The following TSNARE1 variants were observed in gnomAD, a reference collection of about 807,000 sequenced individuals.
TSNARE1 encodes the protein t-SNARE domain containing 1.
Under a neutral mutation model 62.0 loss-of-function variants are expected in TSNARE1, and 49 were observed. That is an observed-to-expected ratio of 0.79 (90% confidence interval 0.63 to 1.00). TSNARE1 has a LOEUF of 1.00. Among genes scored for constraint, TSNARE1 ranks in the 50% least tolerant of loss-of-function variants. The probability of loss-of-function intolerance (pLI) is 0.00; values close to 1 mark genes in which losing one functional copy is unlikely to be tolerated. For missense variants in TSNARE1, 755 were observed against 700.1 expected (o/e 1.08, Z -0.88); for synonymous variants, 328 against 294.4 (o/e 1.11, Z -1.17).
intron 4 of TSNARE1, among the ~76,000 whole-genome samples, chr8:142,335,892 G>A (rs910299988): frequency 6.6e-6 from 1 of 152,222 alleles, no homozygotes; most frequent in Admixed American, 6.5e-5. Flanking sequence ...GAAGAATGCA[G>A]ATGACAGGGC....
intron 6 of TSNARE1, among the ~76,000 whole-genome samples, chr8:142,327,430 T>C (rs1007199737): frequency 2.6e-5 from 4 of 151,804 alleles, no homozygotes; most frequent in Admixed American, 6.6e-5. Flanking sequence ...GGCACGGTTC[T>C]GCACAAGCTG....
At chr8:142,390,285 T>C (rs1005135266) in intron 1 of TSNARE1, among the ~76,000 whole-genome samples, 3 of 151,512 alleles carry the variant, frequency 2.0e-5, no homozygotes, top group African/African-American at 7.3e-5. Flanking sequence ...ACAGACGCTG[T>C]ACACTGCGGG....
intron 12 of TSNARE1, among the ~76,000 whole-genome samples, chr8:142,255,485 T>TCAC (rs1818399039): frequency 8.5e-5 from 1 of 11,718 alleles, no homozygotes. Flanking sequence ...ACCATCACCA[T>TCAC]CATCATCACC....
At chr8:142,308,197 T>C (rs1827000742) in intron 9 of TSNARE1, among the ~76,000 whole-genome samples, 1 of 152,222 alleles carries the variant, frequency 6.6e-6, no homozygotes, top group African/African-American at 2.4e-5. Context: ...TGCACTCTCT[T>C]CCTGGGGTAT....
intron 9 of TSNARE1, among the ~76,000 whole-genome samples, chr8:142,309,661 T>C (rs747439813): frequency 1.3e-5 from 2 of 152,206 alleles, no homozygotes; most frequent in Non-Finnish European, 2.9e-5. Context: ...GTTACTAATA[T>C]TTAGGACTTT....
intron 1 of TSNARE1, among the ~76,000 whole-genome samples, chr8:142,366,921 A>AAGT (rs1835588881): frequency 6.6e-6 from 1 of 152,258 alleles, no homozygotes; most frequent in Non-Finnish European, 1.5e-5. Context: ...GACTCTGGTA[A>AAGT]AGTATCAGGA....
At chr8:142,334,587 T>A (rs1316337906) in intron 4 of TSNARE1, among the ~76,000 whole-genome samples, 1 of 151,958 alleles carries the variant, frequency 6.6e-6, no homozygotes, top group Non-Finnish European at 1.5e-5. Context: ...AACTCGGAGA[T>A]TCAAAAATTT....
rs1248894756 is a variant in TSNARE1, at chr8:142,319,608, G to A, written c.894-974C>T. 6.6e-6 allele frequency among the ~76,000 whole-genome samples: 1 copy of A among 152,096 alleles called. No individual in the cohort carries two copies. Among genetic ancestry groups the A allele is most frequent in the Admixed American group, 6.5e-5 (1 of 15,274 alleles). On this transcript the variant is annotated intron_variant, in intron 6 of 13. Transcript: ENST00000524325. This position sits in a 1 kb window ranked among gnomAD's most constrained non-coding sequence, Gnocchi z 4.9. ...AGCCTCAGTGACCCTTTCAAGTACA[G>A]CCCAAAAGGCCCCTGCAGGCCCCTC...
Position 142,353,584 on chromosome 8 carries a change from G to A in TSNARE1, c.88+1053C>T, listed in dbSNP as rs547372362. ...CCCAGCAGGGCTGAGGCAGGCAGCC[G>A]CCCTCTCGAGCACATGCTGCTCCCT... On this transcript the variant is annotated intron_variant, in intron 2 of 13. Coordinates refer to ENST00000524325, the MANE Select transcript of TSNARE1 (RefSeq NM_145003.5). Among the ~76,000 whole-genome samples, 12 of 152,322 alleles carry A rather than the reference G, an allele frequency of 7.9e-5. No homozygotes were observed. The East Asian group carries it at 1.9e-3, about 25-fold the overall frequency.
At chr8:142,223,016 T>TCAGC (rs1563756501) in intron 13 of TSNARE1, among the ~76,000 whole-genome samples, 7 of 124,978 alleles carry the variant, frequency 5.6e-5, no homozygotes, top group African/African-American at 9.7e-5. Flanking sequence ...ATTTACTCAC[T>TCAGC]CACTCAGCCA....
intron 1 of TSNARE1, among the ~76,000 whole-genome samples, chr8:142,359,473 C>A (rs1006777745): frequency 1.3e-5 from 2 of 152,154 alleles, no homozygotes; most frequent in African/African-American, 4.8e-5. Context: ...CCACCCTTCA[C>A]TGAGGGAGGA....
chr8:142,216,590 C>A (rs1322313715), intron 13 of TSNARE1, among the ~76,000 whole-genome samples: 1 of 152,190 alleles, frequency 6.6e-6, no homozygotes, highest in Non-Finnish European at 1.5e-5. Flanking sequence ...CCCACCCCTC[C>A]CCGCACTGGT....
intron 4 of TSNARE1, among the ~76,000 whole-genome samples, chr8:142,332,686 G>A (rs544735315): frequency 1.8e-4 from 27 of 152,216 alleles, no homozygotes; most frequent in Admixed American, 1.6e-3. Flanking sequence ...CATGGGAAGG[G>A]TCTGCAGGCT....
At chr8:142,371,085 G>A (rs1835883045) in intron 1 of TSNARE1, among the ~76,000 whole-genome samples, 1 of 152,176 alleles carries the variant, frequency 6.6e-6, no homozygotes. Flanking sequence ...AGAATAAGGA[G>A]GGAATATTAC....
At chr8:142,268,072 A>G (rs4641188) in intron 12 of TSNARE1, among the ~76,000 whole-genome samples, 5,717 of 152,090 alleles carry the variant, frequency 0.038, 326 homozygotes, top group African/African-American at 0.13. Context: ...ACACTCCTGG[A>G]CCCTCCTGGT....
intron 9 of TSNARE1, among the ~76,000 whole-genome samples, chr8:142,302,135 A>T (rs1377528448): frequency 6.6e-6 from 1 of 152,142 alleles, no homozygotes; most frequent in East Asian, 1.9e-4. Context: ...CTCTGCAGTG[A>T]ACGTGCAATT....
intron 1 of TSNARE1, among the ~76,000 whole-genome samples, chr8:142,392,149 G>C (rs529340625): frequency 2.0e-5 from 3 of 152,038 alleles, no homozygotes. Context: ...TCAGCCTCCC[G>C]AGTGGCTGGG....
chr8:142,331,920 G>A lies in TSNARE1; in HGVS notation c.746-89C>T, dbSNP rs60488223. On this transcript the variant is annotated intron_variant, in intron 4 of 13. Coordinates refer to ENST00000524325, the MANE Select transcript of TSNARE1 (RefSeq NM_145003.5). ...GCTAACCGCTCTGGGCAGCCCCCAG[G>A]GGCAGGGACCCGACAGGCAGCAGAG... 8.8e-3 allele frequency: 11,585 copies of A among 1,322,510 alleles called. 401 individuals carry two copies. The highest frequency in any genetic ancestry group is 0.081 in the East Asian group (3,228 of 39,744). The allele number at this position is 1,322,510 out of a possible 1,614,324, so 81.9% of individuals were successfully genotyped here.
At chr8:142,373,790 G>A (rs1341769809) in intron 1 of TSNARE1, among the ~76,000 whole-genome samples, 1 of 152,134 alleles carries the variant, frequency 6.6e-6, no homozygotes, top group African/African-American at 2.4e-5. Flanking sequence ...CCCACTCCAG[G>A]CAGAGGCAAG....
Sources: gnomAD v4.1 joint callset for allele counts (sites outside exome capture counted in the v4.1 genomes callset) on GRCh38, gnomAD v4.1.1 for gene constraint, Gnocchi (gnomAD v3.1) non-coding constraint, MANE v1.5 for transcripts, NCBI Gene and HGNC (gene_info 2026-07-23, HGNC 2026-07-21) for gene names.